The following RBFOX3 variants were observed in gnomAD, a reference collection of about 807,000 sequenced individuals.
RBFOX3 encodes the protein RNA binding protein fox-1 homolog 3.
RBFOX3 carries 17 observed loss-of-function variants against 48.7 expected under a neutral mutation model. The ratio of observed to expected loss-of-function variants is 0.35; its 90% CI spans 0.24 to 0.52. The LOEUF (loss-of-function observed/expected upper bound fraction) is 0.52. Among genes scored for constraint, RBFOX3 ranks in the 20% least tolerant of loss-of-function variants. RBFOX3 has a pLI of 0.94. For synonymous variants in RBFOX3, 212 were observed against 209.5 expected (o/e 1.01, Z -0.10); for missense variants, 382 against 497.5 (o/e 0.77, Z 2.21).
intron 1 of RBFOX3, among the ~76,000 whole-genome samples, chr17:79,531,934 G>A (rs920655688): frequency 7.9e-5 from 12 of 152,194 alleles, no homozygotes; most frequent in African/African-American, 1.2e-4. Flanking sequence ...GGACAGTGCC[G>A]GCCTGCAGCA....
At chr17:79,475,718 C>T (rs746997367) in intron 2 of RBFOX3, among the ~76,000 whole-genome samples, 24 of 152,264 alleles carry the variant, frequency 1.6e-4, no homozygotes, top group East Asian at 3.9e-4. Context: ...GAAGGTCGTG[C>T]GCGACAGGAT....
At chr17:79,373,961 C>T (rs918439991) in intron 2 of RBFOX3, among the ~76,000 whole-genome samples, 2 of 152,154 alleles carry the variant, frequency 1.3e-5, no homozygotes, top group African/African-American at 2.4e-5. Flanking sequence ...AGGGTTCAAG[C>T]GATTCTCCTG....
intron 1 of RBFOX3, among the ~76,000 whole-genome samples, chr17:79,564,363 C>T (rs2092374285): frequency 6.6e-6 from 1 of 152,126 alleles, no homozygotes; most frequent in Non-Finnish European, 1.5e-5. Context: ...TGGGAACCTG[C>T]CTGAAGGGGC....
chr17:79,610,400 C>T (rs1417139954), intron 1 of RBFOX3, among the ~76,000 whole-genome samples: 3 of 151,898 alleles, frequency 2.0e-5, no homozygotes, highest in Admixed American at 6.5e-5. Context: ...GCCTCTGCCT[C>T]CCCCCGCCGG....
intron 2 of RBFOX3, among the ~76,000 whole-genome samples, chr17:79,385,349 C>A (rs8070973): frequency 0.63 from 95,221 of 152,066 alleles, 29,864 homozygotes; most frequent in African/African-American, 0.71. Context: ...CAGGCAAGAC[C>A]CACAAAGGTC....
chr17:79,257,069 G>A (rs1197923468), intron 3 of RBFOX3, among the ~76,000 whole-genome samples: 2 of 152,172 alleles, frequency 1.3e-5, no homozygotes, highest in African/African-American at 4.8e-5. Flanking sequence ...GGCAGCAGAC[G>A]GGTCCCCTCC....
chr17:79,336,954 T>G (rs1016737951), intron 2 of RBFOX3, among the ~76,000 whole-genome samples: 17 of 152,086 alleles, frequency 1.1e-4, no homozygotes, highest in African/African-American at 4.1e-4. Flanking sequence ...ACCCTGTCTC[T>G]ACTAATAATA....
At chr17:79,129,981 G>A (rs1035829168) in intron 4 of RBFOX3, among the ~76,000 whole-genome samples, 14 of 152,294 alleles carry the variant, frequency 9.2e-5, no homozygotes, top group Middle Eastern at 3.4e-3. Context: ...AGCTCTGCAG[G>A]AGGAGGGCAG....
chr17:79,533,352 C>T lies in RBFOX3; in HGVS notation c.-319-50754G>A, dbSNP rs535633528. ...CCTGGCCATGCCCATTGGCTGGCGG[C>T]GGCAGAACAGAGGAATAGTGACATT... On this transcript the variant is annotated intron_variant, in intron 1 of 14. Transcript: ENST00000693108. 3.2e-4 allele frequency among the ~76,000 whole-genome samples: 49 copies of T among 152,298 alleles called. No individual in the cohort carries two copies. In the East Asian group the frequency reaches 7.0e-3, roughly 22 times the overall value.
intron 1 of RBFOX3, among the ~76,000 whole-genome samples, chr17:79,609,716 A>C (rs1281150406): frequency 8.1e-6 from 1 of 123,578 alleles, no homozygotes; most frequent in Non-Finnish European, 1.6e-5. Flanking sequence ...ACAGGTTCCC[A>C]ATGCCCCTCC....
At chr17:79,148,843 C>A (rs1245888539) in intron 4 of RBFOX3, among the ~76,000 whole-genome samples, 1 of 152,190 alleles carries the variant, frequency 6.6e-6, no homozygotes, top group Non-Finnish European at 1.5e-5. Flanking sequence ...GGCCAAAGTC[C>A]CCAGAGGATG....
intron 2 of RBFOX3, among the ~76,000 whole-genome samples, chr17:79,394,471 G>A (rs1279900904): frequency 9.9e-5 from 15 of 152,070 alleles, no homozygotes; most frequent in Admixed American, 3.3e-4. Flanking sequence ...ACCCTAGGCC[G>A]GCACCCTAGT....
chr17:79,147,814 G>C (rs568440318), intron 4 of RBFOX3, among the ~76,000 whole-genome samples: 130 of 152,388 alleles, frequency 8.5e-4, no homozygotes, highest in African/African-American at 3.0e-3. Flanking sequence ...GCTGGTGCAA[G>C]CTTTGCCAAG....
chr17:79,649,454 C>A, the RBFOX3 span, among the ~76,000 whole-genome samples: 1 of 152,196 alleles, frequency 6.6e-6, no homozygotes, highest in Non-Finnish European at 1.5e-5. Flanking sequence ...ACCCATAATT[C>A]CAGAACTTTG....
At position 79,454,945 on chromosome 17, in the gene RBFOX3, A is replaced by G. The variant is rs578250819; in HGVS notation, c.-175+27509T>C. ...ATACTGCCTACCTGCACCCACTCAG[A>G]CTGGGCTGCTACAGAGCCAGCCACG... On this transcript the variant is annotated intron_variant, in intron 2 of 14. Coordinates refer to ENST00000693108, the MANE Select transcript of RBFOX3 (RefSeq NM_001350451.2). Among the ~76,000 whole-genome samples the G allele has an allele frequency of 8.5e-5, 13 of 152,316 alleles. No individual in the cohort carries two copies. In the South Asian group the frequency reaches 2.7e-3, roughly 32 times the overall value.
chr17:79,176,055 T>C (rs999534299), intron 4 of RBFOX3, among the ~76,000 whole-genome samples: 7 of 152,174 alleles, frequency 4.6e-5, no homozygotes, highest in Admixed American at 3.3e-4. Flanking sequence ...GGTCCTTTAC[T>C]CTGGACTCTA....
At chr17:79,304,772 G>A (rs1283557098) in intron 3 of RBFOX3, among the ~76,000 whole-genome samples, 1 of 152,178 alleles carries the variant, frequency 6.6e-6, no homozygotes, top group Non-Finnish European at 1.5e-5. Context: ...AGTCAAACCC[G>A]GGGCCTCTGT....
intron 4 of RBFOX3, among the ~76,000 whole-genome samples, chr17:79,209,441 A>C (rs987672207): frequency 2.0e-5 from 3 of 152,206 alleles, no homozygotes; most frequent in Non-Finnish European, 4.4e-5. Flanking sequence ...CATTGAACCA[A>C]ACGGAACTCC....
intron 1 of RBFOX3, among the ~76,000 whole-genome samples, chr17:79,540,964 C>A (rs560528809): frequency 4.6e-5 from 7 of 152,164 alleles, no homozygotes; most frequent in Non-Finnish European, 7.3e-5. Context: ...CTGGGGGGAT[C>A]TGCAGGCCCA....
Sources: allele counts gnomAD v4.1 joint callset (sites outside exome capture counted in the v4.1 genomes callset), GRCh38; gene constraint gnomAD v4.1.1; transcripts MANE v1.5; gene names NCBI Gene and HGNC (gene_info 2026-07-23, HGNC 2026-07-21).